The following MYO19 variants were observed in gnomAD, a reference collection of about 807,000 sequenced individuals.
MYO19 encodes the protein unconventional myosin-XIX.
A neutral mutation model predicts 129.2 loss-of-function variants in MYO19; 132 were observed. The observed-to-expected ratio is 1.02, with a 90% CI of 0.89 to 1.18. MYO19 has a LOEUF of 1.18. Ranked by LOEUF, MYO19 falls within the 50% of genes most tolerant of loss-of-function variation. The pLI, the probability that MYO19 is intolerant of heterozygous loss-of-function variation, is 0.00. For missense variants in MYO19, 1,210 were observed against 1,216.7 expected (o/e 0.99, Z 0.08); for synonymous variants, 531 against 477.2 (o/e 1.11, Z -1.47).
At chr17:36,496,531 G>T in intron 25 of MYO19, 125 bp from the exon 26 acceptor site, 1 of 859,852 alleles carries the variant, frequency 1.2e-6, no homozygotes, top group Non-Finnish European at 1.8e-6. Context: ...GGGGGCCACA[G>T]CAGGATTAAA....
At chr17:36,538,184 A>G, upstream of MYO19, 1 of 1,613,768 alleles carries the variant, frequency 6.2e-7, no homozygotes, top group Non-Finnish European at 8.5e-7. Flanking sequence ...AAGTAAATGT[A>G]GAAGCAGTAT....
Position 36,532,603 on chromosome 17 carries a change from G to A in MYO19, c.-65C>T, listed in dbSNP as rs369602835. 25 of 1,540,952 alleles carry A rather than the reference G, an allele frequency of 1.6e-5. No individual in the cohort carries two copies. Among genetic ancestry groups the A allele is most frequent in the African/African-American group, 2.7e-5 (2 of 72,786 alleles). ...AGGTACAAGGAGTACTATCCACCTA[G>A]TCATGGGACCATGGGCTGGGGTATG... On this transcript the variant is annotated 5_prime_UTR_variant, in exon 3 of 26. Coordinates refer to ENST00000614623, the MANE Select transcript of MYO19 (RefSeq NM_001163735.2).
chr17:36,504,185 G>T (rs1010288725), intron 19 of MYO19, 165 bp from the exon 20 acceptor site: 1 of 523,376 alleles, frequency 1.9e-6, no homozygotes, highest in Non-Finnish European at 3.3e-6. Flanking sequence ...GAAATCGAGG[G>T]ACCTTGAAAA....
intron 2 of MYO19, among the ~76,000 whole-genome samples, chr17:36,540,710 T>C (rs1224022391): frequency 6.6e-6 from 1 of 152,046 alleles, no homozygotes; most frequent in African/African-American, 2.4e-5. Flanking sequence ...AACTTCCCAG[T>C]GTCAGCTCAT....
chr17:36,532,382 TTGA>T, intron 3 of MYO19, 142 bp downstream of exon 3: 1 of 943,952 alleles, frequency 1.1e-6, no homozygotes, highest in Non-Finnish European at 1.6e-6. Flanking sequence ...GAAGAGTTTC[TTGA>T]TGATGAGTAA....
chr17:36,525,491 C>T (rs2073409192), intron 5 of MYO19, 150 bp from the exon 6 acceptor site: 1 of 634,372 alleles, frequency 1.6e-6, no homozygotes, highest in Non-Finnish European at 2.8e-6. Context: ...TTGTTAGGCC[C>T]AACTTTAGAA....
upstream of MYO19, among the ~76,000 whole-genome samples, chr17:36,535,984 G>A (rs1225391751): frequency 1.3e-5 from 2 of 152,134 alleles, no homozygotes; most frequent in Non-Finnish European, 2.9e-5. Flanking sequence ...TTCCAGACAG[G>A]CCATAATGCA....
intron 16 of MYO19, 124 bp downstream of exon 16, chr17:36,507,275 A>G: frequency 7.1e-7 from 1 of 1,407,654 alleles, no homozygotes; most frequent in Admixed American, 1.9e-5. Context: ...AAAATATAGC[A>G]ATTAGCAGAT....
At chr17:36,537,808 G>A (rs759393418), upstream of MYO19, 1 of 1,614,062 alleles carries the variant, frequency 6.2e-7, no homozygotes, top group Non-Finnish European at 8.5e-7. Flanking sequence ...GGAGTTCACT[G>A]GAACTTTTTC....
intron 23 of MYO19, 95 bp from the exon 24 acceptor site, chr17:36,499,255 G>T: frequency 3.1e-5 from 24 of 777,938 alleles, no homozygotes; most frequent in East Asian, 9.2e-5. Flanking sequence ...TGCTGTCAAA[G>T]TTTCAAATAC....
intron 21 of MYO19, among the ~76,000 whole-genome samples, chr17:36,502,336 T>C (rs2071591597): frequency 6.6e-6 from 1 of 152,158 alleles, no homozygotes; most frequent in Non-Finnish European, 1.5e-5. Flanking sequence ...GCAGGACAAG[T>C]CACCCATGCC....
At position 36,495,954 on chromosome 17, in the gene MYO19, A is replaced by T. The variant is rs2070929897; in HGVS notation, c.*297T>A. On this transcript the variant is annotated 3_prime_UTR_variant, in exon 26 of 26. Transcript: ENST00000614623. ...GAATTGGGATCCCCAGTGTAGTGAC[A>T]GACAGTCATGACTGCTGCTGAGTTT... The T allele has an allele frequency of 5.3e-6, 5 of 949,922 alleles. No individual in the cohort carries two copies. 58.8% of individuals were successfully genotyped at this position (949,922 alleles called of 1,614,324 possible). A position where few individuals can be genotyped will look rare whatever the true frequency, so the allele number is the denominator to read the frequency against.
At chr17:36,513,795 T>G (rs2072540181) in intron 9 of MYO19, 70 bp from the exon 10 acceptor site, 3 of 1,389,280 alleles carry the variant, frequency 2.2e-6, no homozygotes, top group Non-Finnish European at 2.0e-6. Flanking sequence ...TAGGCAGGCA[T>G]GGGGTTGGGA....
In MYO19 at chr17:36,509,106, T is replaced by C. The variant is rs545326721; in HGVS notation, c.1187A>G (p.Asn396Ser). Reference sequence around the variant, plus strand: ...GTCGGTGTCTGCACAGATGCTGCTGTTGATCACTGATACCAGCCAGTCAAA... The same window carrying C: ...GTCGGTGTCTGCACAGATGCTGCTGCTGATCACTGATACCAGCCAGTCAAA... ...RLFDWLVSVI[N>S]SSICADTDSW... Residue 396 changes from asparagine to serine, a missense_variant, in exon 14 of 26, where the codon AAC (asparagine) becomes AGC (serine). Asn to Ser is a conservative substitution (Grantham distance 46, BLOSUM62 1). Transcript: ENST00000614623. The C allele has an allele frequency of 2.5e-6, 4 of 1,613,894 alleles. No homozygotes were observed. The South Asian group carries it at 3.3e-5, about 13-fold the overall frequency.
chr17:36,499,263 T>C, intron 23 of MYO19, 103 bp from the exon 24 acceptor site: 2 of 779,596 alleles, frequency 2.6e-6, no homozygotes, highest in South Asian at 3.3e-5. Flanking sequence ...AAGTTTCAAA[T>C]ACGTTTTTTT....
chr17:36,502,971 T>C (rs1231744983), intron 21 of MYO19, 126 bp downstream of exon 21: 4 of 795,102 alleles, frequency 5.0e-6, no homozygotes, highest in Non-Finnish European at 8.5e-6. Context: ...TTTCCCCCAC[T>C]GAACCAAAAC....
intron 25 of MYO19, 98 bp from the exon 26 acceptor site, chr17:36,496,504 G>A: frequency 8.8e-7 from 1 of 1,137,908 alleles, no homozygotes; most frequent in Non-Finnish European, 1.3e-6. Context: ...AAGAAGGTAT[G>A]GACAAGTACT....
Position 36,527,543 on chromosome 17 carries a change from A to C in MYO19, c.300+8T>G. 1.2e-6 allele frequency: 2 copies of C among 1,612,412 alleles called. No individual in the cohort carries two copies. Among genetic ancestry groups the C allele is most frequent in the Non-Finnish European group, 1.7e-6 (2 of 1,179,200 alleles). ...GCCCTGAGGCCACAGGCAGCGGCAG[A>C]GCCTTACCTGGGGCTGAGGCGCAGC... On this transcript the variant is annotated splice_region_variant and intron_variant, in intron 5 of 25. Transcript: ENST00000614623.
intron 6 of MYO19, among the ~76,000 whole-genome samples, chr17:36,524,704 A>G (rs1052783932): frequency 2.0e-5 from 3 of 152,118 alleles, no homozygotes; most frequent in African/African-American, 7.2e-5. Context: ...TCCCACAAGA[A>G]CCCCAGCTAC....
Sources: gnomAD v4.1 joint callset for allele counts (sites outside exome capture counted in the v4.1 genomes callset) on GRCh38, gnomAD v4.1.1 for gene constraint, MANE v1.5 for transcripts, NCBI Gene and HGNC (gene_info 2026-07-23, HGNC 2026-07-21) for gene names.